Variants in ARHGAP24 observed in about 807,000 individuals in gnomAD.
ARHGAP24 encodes the protein rho GTPase-activating protein 24.
A neutral mutation model predicts 76.4 loss-of-function variants in ARHGAP24; 50 were observed. That is an observed-to-expected ratio of 0.65 (90% CI 0.52 to 0.83). ARHGAP24 has a LOEUF of 0.83. Among genes scored for constraint, ARHGAP24 ranks in the 40% least tolerant of loss-of-function variants. ARHGAP24 has a pLI of 0.00. For synonymous variants in ARHGAP24, 345 were observed against 323.3 expected, an observed-to-expected ratio of 1.07 and a Z score of -0.72; for missense variants, 930 against 914.2, an observed-to-expected ratio of 1.02 and a Z score of -0.22.
At position 85,714,407 on chromosome 4, in the gene ARHGAP24, G is replaced by A. The variant is rs115819789; in HGVS notation, c.181-7478G>A. Among the ~76,000 whole-genome samples the A allele has an allele frequency of 5.3e-3, 801 of 152,096 alleles. 7 individuals are homozygous for A. The highest frequency in any genetic ancestry group is 0.018 in the African/African-American group (757 of 41,510). ...TAATGAAAACACTTTAAAATTAAAT[G>A]AGCCCAGAATGATAATGCTTCTCAA... On this transcript the variant is annotated intron_variant, in intron 2 of 9. Transcript: ENST00000395184.
At chr4:85,894,281 C>T (rs2148782435) in intron 3 of ARHGAP24, among the ~76,000 whole-genome samples, 1 of 152,074 alleles carries the variant, frequency 6.6e-6, no homozygotes, top group South Asian at 2.1e-4. Context: ...AATGACCAAG[C>T]TTACAGGAGC....
rs71936795 is a variant in ARHGAP24, at chr4:85,894,099, T to TTAAAA, written c.269-29549_269-29548insTAAAA. 5.9e-4 allele frequency among the ~76,000 whole-genome samples: 77 copies of TTAAAA among 131,340 alleles called. 1 individual carries two copies. The highest frequency in any genetic ancestry group is 2.0e-3 in the African/African-American group (72 of 35,230). The allele number at this position is 131,340 out of a possible 152,430, so 86.2% of individuals were successfully genotyped here. ...ATGTACCCTAAAACTTAGAGTATAA[T>TTAAAA]AAAAAAAAAAAAAAAAAGATTTCAG... On this transcript the variant is annotated intron_variant, in intron 3 of 9. Coordinates refer to ENST00000395184, the MANE Select transcript of ARHGAP24 (RefSeq NM_001025616.3).
chr4:85,686,245 A>C (rs1416746572), intron 2 of ARHGAP24, among the ~76,000 whole-genome samples: 1 of 152,054 alleles, frequency 6.6e-6, no homozygotes, highest in Admixed American at 6.6e-5. Context: ...ATTGGCACCC[A>C]TATTTAATAT....
At chr4:85,521,512 G>T (rs1156917242) in intron 1 of ARHGAP24, among the ~76,000 whole-genome samples, 3 of 97,890 alleles carry the variant, frequency 3.1e-5, no homozygotes, top group South Asian at 1.0e-3. Flanking sequence ...ACATCTTTCT[G>T]TTCTCATTCC....
intron 1 of ARHGAP24, among the ~76,000 whole-genome samples, chr4:85,550,252 A>G (rs756096052): frequency 3.3e-5 from 5 of 152,178 alleles, no homozygotes; most frequent in Non-Finnish European, 5.9e-5. Flanking sequence ...TCCAGTTTCA[A>G]TCTTCTGCAT....
chr4:85,778,422 A>G (rs1727387629), intron 3 of ARHGAP24, among the ~76,000 whole-genome samples: 1 of 152,150 alleles, frequency 6.6e-6, no homozygotes, highest in African/African-American at 2.4e-5. Context: ...GTAGTGGAAA[A>G]AGCATTGAAG....
At chr4:85,785,022 T>C (rs1368509126) in intron 3 of ARHGAP24, among the ~76,000 whole-genome samples, 1 of 152,058 alleles carries the variant, frequency 6.6e-6, no homozygotes, top group Non-Finnish European at 1.5e-5. Flanking sequence ...TAGATATAAT[T>C]ATACCCCCCA....
intron 8 of ARHGAP24, among the ~76,000 whole-genome samples, chr4:85,992,907 T>C (rs960341298): frequency 4.6e-5 from 7 of 152,194 alleles, no homozygotes; most frequent in Non-Finnish European, 8.8e-5. Flanking sequence ...TACTTATTAC[T>C]GCTACGGTTT....
At chr4:85,794,848 A>C (rs897757456) in intron 3 of ARHGAP24, among the ~76,000 whole-genome samples, 2 of 152,228 alleles carry the variant, frequency 1.3e-5, no homozygotes, top group African/African-American at 4.8e-5. Context: ...TGACTTTTGA[A>C]TGAGTAACAC....
chr4:85,720,667 A>G lies in ARHGAP24; in HGVS notation c.181-1218A>G, dbSNP rs939074717. On this transcript the variant is annotated intron_variant, in intron 2 of 9. Coordinates refer to ENST00000395184, the MANE Select transcript of ARHGAP24 (RefSeq NM_001025616.3). ...GGCCTGGATGAGATAGCCTGGAGAA[A>G]GAGAGTACTAGAGTCAGAAGAGAAG... Among the ~76,000 whole-genome samples, 19 of 152,334 alleles carry G rather than the reference A, an allele frequency of 1.2e-4. No homozygotes were observed. The East Asian group carries it at 2.1e-3, about 17-fold the overall frequency.
chr4:85,575,079 C>CTTAAA (rs1372639859), intron 2 of ARHGAP24, among the ~76,000 whole-genome samples: 1 of 152,080 alleles, frequency 6.6e-6, no homozygotes, highest in Admixed American at 6.5e-5. Flanking sequence ...CATAATATAG[C>CTTAAA]TATTTAATAT....
chr4:85,983,092 A>T (rs747569859), intron 8 of ARHGAP24, among the ~76,000 whole-genome samples: 2 of 152,168 alleles, frequency 1.3e-5, no homozygotes, highest in Non-Finnish European at 2.9e-5. Flanking sequence ...CCTGCAAAGG[A>T]CATGATCTCA....
chr4:85,975,572 A>C (rs1739269779), intron 7 of ARHGAP24: 1 of 153,086 alleles, frequency 6.5e-6, no homozygotes, highest in East Asian at 1.9e-4. Context: ...TGGAAAATAT[A>C]CCTCTCAATG....
In ARHGAP24 at chr4:85,877,499, C is replaced by G. The variant is rs189010758; in HGVS notation, c.269-46149C>G. On this transcript the variant is annotated intron_variant, in intron 3 of 9. Transcript: ENST00000395184. ...AATTAGCTGGGTGCAGTGACACACA[C>G]TTGTAGTCCCAGCTACTCAGGAGGC... 1.3e-3 allele frequency among the ~76,000 whole-genome samples: 119 copies of G among 90,688 alleles called. 2 individuals carry two copies. In the Admixed American group the frequency reaches 0.014, roughly 11 times the overall value. 59.5% of individuals were successfully genotyped at this position (90,688 alleles called of 152,430 possible).
intron 3 of ARHGAP24, among the ~76,000 whole-genome samples, chr4:85,763,593 G>T (rs1726818852): frequency 6.6e-6 from 1 of 152,004 alleles, no homozygotes. Flanking sequence ...GGGGTGTCTG[G>T]AATTACTTAT....
intron 4 of ARHGAP24, among the ~76,000 whole-genome samples, chr4:85,928,955 C>G (rs545543285): frequency 6.6e-6 from 1 of 152,264 alleles, no homozygotes; most frequent in South Asian, 2.1e-4. Context: ...TAAGAGGCAA[C>G]GTGGTCAGGC....
intron 2 of ARHGAP24, among the ~76,000 whole-genome samples, chr4:85,676,539 C>G (rs1722987066): frequency 6.6e-6 from 1 of 152,108 alleles, no homozygotes; most frequent in Admixed American, 6.6e-5. Flanking sequence ...GGTCTGAACT[C>G]TAACCAAGTG....
chr4:85,864,119 G>A (rs1732056887), intron 3 of ARHGAP24, among the ~76,000 whole-genome samples: 1 of 152,140 alleles, frequency 6.6e-6, no homozygotes, highest in African/African-American at 2.4e-5. Flanking sequence ...GAGAAGGGAA[G>A]ATGGAGCTGC....
At chr4:85,497,155 A>C (rs1723616290) in intron 1 of ARHGAP24, among the ~76,000 whole-genome samples, 1 of 152,234 alleles carries the variant, frequency 6.6e-6, no homozygotes, top group African/African-American at 2.4e-5. Flanking sequence ...AAGGATTGGA[A>C]ATATCCCAAC....
Sources: allele counts gnomAD v4.1 joint callset (sites outside exome capture counted in the v4.1 genomes callset), GRCh38; gene constraint gnomAD v4.1.1; transcripts MANE v1.5; gene names NCBI Gene and HGNC (gene_info 2026-07-23, HGNC 2026-07-21).